Variants in MCPH1 observed in about 807,000 individuals in gnomAD.
MCPH1 encodes microcephalin.
A neutral mutation model predicts 84.5 loss-of-function variants in MCPH1; 104 were observed. The observed-to-expected ratio is 1.23, with a 90% CI of 1.05 to 1.45. The LOEUF is 1.45. MCPH1 is among the 40% of genes most tolerant of loss of function. The probability of loss-of-function intolerance (pLI) is 0.00; values close to 1 mark genes in which losing one functional copy is unlikely to be tolerated. For synonymous variants in MCPH1, 514 were observed against 366.8 expected, an observed-to-expected ratio of 1.40 and a Z score of -4.58; for missense variants, 1,498 against 1,005.7, an observed-to-expected ratio of 1.49 and a Z score of -6.62.
At chr8:6,442,252 A>G (rs1803630291) in intron 7 of MCPH1, 96 bp downstream of exon 7, 1 of 757,240 alleles carries the variant, frequency 1.3e-6, no homozygotes, top group Non-Finnish European at 2.3e-6. Flanking sequence ...CTGATGAGTA[A>G]AATAATTAGT....
chr8:6,425,274 C>A (rs1013779250), intron 3 of MCPH1, among the ~76,000 whole-genome samples: 2 of 152,202 alleles, frequency 1.3e-5, no homozygotes, highest in African/African-American at 4.8e-5. Context: ...TCTCTTGAAA[C>A]ACTTTTCGTT....
intron 11 of MCPH1, among the ~76,000 whole-genome samples, chr8:6,492,075 T>C (rs1283675880): frequency 3.9e-5 from 6 of 152,244 alleles, no homozygotes; most frequent in Non-Finnish European, 1.5e-5. Flanking sequence ...ATGGTTGAAC[T>C]AGTTTACAGT....
At chr8:6,481,246 C>T (rs1809200481) in intron 11 of MCPH1, among the ~76,000 whole-genome samples, 2 of 152,180 alleles carry the variant, frequency 1.3e-5, no homozygotes, top group Non-Finnish European at 2.9e-5. Flanking sequence ...TGGTGGTTTG[C>T]AGAGCCAAAA....
intron 12 of MCPH1, among the ~76,000 whole-genome samples, chr8:6,503,491 T>A (rs1166449108): frequency 6.6e-6 from 1 of 152,218 alleles, no homozygotes; most frequent in Non-Finnish European, 1.5e-5. Context: ...TCTTCCACCT[T>A]TTCCCTTGTG....
At chr8:6,419,627 C>G (rs2129552383) in intron 3 of MCPH1, among the ~76,000 whole-genome samples, 1 of 149,860 alleles carries the variant, frequency 6.7e-6, no homozygotes, top group African/African-American at 2.5e-5. Context: ...TGGTCTTGAT[C>G]TCCTGACCTT....
intron 12 of MCPH1, chr8:6,514,810 G>T (rs200615678): frequency 5.7e-6 from 9 of 1,590,202 alleles, no homozygotes; most frequent in Middle Eastern, 1.7e-4. Context: ...ATAAGTGACA[G>T]AGCCCCCCCA....
chr8:6,414,799 T>G lies in MCPH1; in HGVS notation c.149T>G (p.Val50Gly), dbSNP rs566242931. ...SKTFNKQVTH[V>G]IFKDGYQSTW... Reference sequence around the variant, plus strand: ...ACTTTTAACAAACAAGTAACTCACGTTATCTTCAAAGATGGCTACCAGAGC... The same window carrying G: ...ACTTTTAACAAACAAGTAACTCACGGTATCTTCAAAGATGGCTACCAGAGC... The change falls in exon 3 of 14, where the codon GTT becomes GGT. Residue 50 changes from valine to glycine, a missense_variant. Physicochemically the swap from Val to Gly is moderately radical, Grantham distance 109. Coordinates refer to ENST00000344683, the MANE Select transcript of MCPH1 (RefSeq NM_024596.5). 2.5e-5 allele frequency: 41 copies of G among 1,613,960 alleles called. No homozygotes were observed. Among genetic ancestry groups the G allele is most frequent in the Non-Finnish European group, 3.3e-5 (39 of 1,179,918 alleles).
chr8:6,442,898 G>C (rs536899139), intron 7 of MCPH1, among the ~76,000 whole-genome samples: 36 of 152,318 alleles, frequency 2.4e-4, no homozygotes, highest in African/African-American at 8.4e-4. Flanking sequence ...CCTCCTTTCA[G>C]CGCAGGGTTA....
intron 12 of MCPH1, among the ~76,000 whole-genome samples, chr8:6,550,559 G>T (rs1013300548): frequency 3.3e-5 from 5 of 152,230 alleles, no homozygotes; most frequent in Admixed American, 1.3e-4. Flanking sequence ...CCCACTCGGG[G>T]TGAGGGGTGT....
chr8:6,408,692 G>C (rs966157992), intron 1 of MCPH1, among the ~76,000 whole-genome samples: 16 of 151,058 alleles, frequency 1.1e-4, no homozygotes, highest in African/African-American at 3.9e-4. Flanking sequence ...CCCAGTAGCT[G>C]GGACTACAGC....
intron 3 of MCPH1, among the ~76,000 whole-genome samples, chr8:6,421,074 A>C (rs1047982249): frequency 6.6e-6 from 1 of 152,156 alleles, no homozygotes; most frequent in East Asian, 1.9e-4. Context: ...GGCTGCCCGC[A>C]TGCACAGTGC....
At chr8:6,490,594 A>G (rs1810450719) in intron 11 of MCPH1, among the ~76,000 whole-genome samples, 1 of 152,168 alleles carries the variant, frequency 6.6e-6, no homozygotes, top group African/African-American at 2.4e-5. Flanking sequence ...ACTTTTTTCA[A>G]AGCTATATTT....
chr8:6,551,972 A>G (rs1256548385), intron 12 of MCPH1, among the ~76,000 whole-genome samples: 15 of 152,336 alleles, frequency 9.8e-5, no homozygotes, highest in African/African-American at 2.9e-4. Context: ...TACTTCAACT[A>G]TCTTCAGACT....
At chr8:6,465,317 A>G (rs960545235) in intron 9 of MCPH1, among the ~76,000 whole-genome samples, 9 of 152,212 alleles carry the variant, frequency 5.9e-5, no homozygotes, top group Non-Finnish European at 1.2e-4. Flanking sequence ...CTCTGGTACC[A>G]GTCCCTCTCG....
chr8:6,527,487 T>G, intron 12 of MCPH1: 1 of 1,561,844 alleles, frequency 6.4e-7, no homozygotes, highest in Non-Finnish European at 8.7e-7. Flanking sequence ...AATTCATCAT[T>G]TGAGACCGAC....
chr8:6,511,547 T>G (rs1020721826), intron 12 of MCPH1, among the ~76,000 whole-genome samples: 3 of 152,078 alleles, frequency 2.0e-5, no homozygotes, highest in African/African-American at 7.3e-5. Flanking sequence ...GAACATTTCT[T>G]CTGGGAAAAA....
rs1805140606 is a variant in MCPH1 at position 6,451,960 on chromosome 8, A to T, written c.1826-3183A>T. 2.0e-5 allele frequency among the ~76,000 whole-genome samples: 3 copies of T among 152,224 alleles called. No individual in the cohort carries two copies. In the South Asian group the frequency reaches 6.2e-4, roughly 32 times the overall value. ...TATTAATATTAGCATTGTTAGTCTT[A>T]ATTCTGTATCTTGGAAGTAGGAAAG... is the stretch of plus-strand genomic sequence containing the variant. On this transcript the variant is annotated intron_variant, in intron 8 of 13. Transcript: ENST00000344683.
chr8:6,528,398 A>T (rs948769462), intron 12 of MCPH1, among the ~76,000 whole-genome samples: 14 of 152,246 alleles, frequency 9.2e-5, no homozygotes, highest in Non-Finnish European at 1.9e-4. Context: ...ATTTGTCACT[A>T]GACAGAGAGA....
intron 12 of MCPH1, among the ~76,000 whole-genome samples, chr8:6,538,118 C>T (rs752017030): frequency 6.6e-6 from 1 of 152,028 alleles, no homozygotes; most frequent in African/African-American, 2.4e-5. Context: ...GTTTTTCTAT[C>T]CCAATGATCC....
Sources: allele counts gnomAD v4.1 joint callset (sites outside exome capture counted in the v4.1 genomes callset), GRCh38; gene constraint gnomAD v4.1.1; transcripts MANE v1.5; gene names NCBI Gene and HGNC (gene_info 2026-07-23, HGNC 2026-07-21).